Variants in CSMD2 observed in about 807,000 individuals in gnomAD.
The protein encoded by CSMD2 is CUB and sushi domain-containing protein 2.
Under a neutral mutation model 398.5 loss-of-function variants are expected in CSMD2, and 130 were observed. The observed-to-expected ratio is 0.33, with a 90% confidence interval of 0.28 to 0.38. CSMD2 has a LOEUF of 0.38. Among genes scored for constraint, CSMD2 ranks in the 10% least tolerant of loss-of-function variants. The probability of loss-of-function intolerance (pLI) is 1.00; values close to 1 mark genes in which losing one functional copy is unlikely to be tolerated. For synonymous variants in CSMD2, 1,828 were observed against 1,908.5 expected, an observed-to-expected ratio of 0.96 and a Z score of 1.10; for missense variants, 3,829 against 4,764.9, an observed-to-expected ratio of 0.80 and a Z score of 5.78.
intron 6 of CSMD2, among the ~76,000 whole-genome samples, chr1:33,843,226 T>C (rs955049253): frequency 2.0e-5 from 3 of 152,190 alleles, no homozygotes; most frequent in African/African-American, 7.2e-5. Context: ...CTTGTTAAAC[T>C]GAACACAGTT....
At chr1:33,851,470 T>C (rs1178312779) in intron 5 of CSMD2, among the ~76,000 whole-genome samples, 1 of 152,156 alleles carries the variant, frequency 6.6e-6, no homozygotes. Context: ...ATGTGAAATA[T>C]AGGAGGTCCT....
chr1:33,648,035 CA>C (rs1044295129), intron 28 of CSMD2, among the ~76,000 whole-genome samples: 10 of 152,154 alleles, frequency 6.6e-5, no homozygotes, highest in Admixed American at 2.0e-4. Flanking sequence ...TGATGGGTGT[CA>C]AAACCATTGT....
intron 2 of CSMD2, among the ~76,000 whole-genome samples, chr1:34,055,240 G>A (rs763683443): frequency 5.9e-5 from 9 of 152,100 alleles, no homozygotes; most frequent in Non-Finnish European, 1.2e-4. Context: ...CTCACTCTAC[G>A]ACAATCAACA....
At chr1:33,866,393 C>A (rs1476439823) in intron 5 of CSMD2, among the ~76,000 whole-genome samples, 2 of 152,202 alleles carry the variant, frequency 1.3e-5, no homozygotes, top group African/African-American at 4.8e-5. Flanking sequence ...GGGGGAGGGA[C>A]TGGGGACCAC....
At chr1:33,656,077 T>A (rs768063008) in intron 27 of CSMD2, among the ~76,000 whole-genome samples, 1 of 75,120 alleles carries the variant, frequency 1.3e-5, no homozygotes, top group African/African-American at 6.1e-5. Context: ...CTTGAGCAGA[T>A]GGAATTCTGG....
At chr1:33,980,667 G>A (rs914873568) in intron 3 of CSMD2, among the ~76,000 whole-genome samples, 3 of 152,240 alleles carry the variant, frequency 2.0e-5, no homozygotes, top group Admixed American at 6.5e-5. Flanking sequence ...CACCTACTAC[G>A]TGTCAGACCG....
rs749781963 is a variant in CSMD2 at position 33,523,411 on chromosome 1, T to C, written c.10405A>G (p.Lys3469Glu). The C allele has an allele frequency of 1.5e-5, 21 of 1,447,968 alleles. No homozygotes were observed. The highest frequency in any genetic ancestry group is 1.8e-5 in the Non-Finnish European group (19 of 1,041,276). 89.7% of individuals were successfully genotyped at this position (1,447,968 alleles called of 1,614,324 possible). A position where few individuals can be genotyped will look rare whatever the true frequency, so the allele number is the denominator to read the frequency against. Residue 3469 changes from lysine to glutamate, a missense_variant, in exon 67 of 71, where the codon AAG (lysine) becomes GAG (glutamate). Lys to Glu is a moderately conservative substitution (Grantham distance 56). Coordinates refer to ENST00000373381, the MANE Select transcript of CSMD2 (RefSeq NM_001281956.2). ...GVELHLAGTYKKEDFHLLLQV... is the reference protein window; with the variant it reads ...GVELHLAGTYEKEDFHLLLQV... ...AGTAGGAGATGAAAATCTTCTTTCT[T>C]GTAAGTTCCTGGGAAATAAAGTTCA...
intron 1 of CSMD2, among the ~76,000 whole-genome samples, chr1:34,119,209 G>C (rs921793185): frequency 6.6e-6 from 1 of 152,084 alleles, no homozygotes; most frequent in African/African-American, 2.4e-5. Flanking sequence ...GGGAAAACTG[G>C]ATATCTACAT....
At chr1:33,759,778 T>C (rs903836344) in intron 13 of CSMD2, among the ~76,000 whole-genome samples, 6 of 152,182 alleles carry the variant, frequency 3.9e-5, no homozygotes, top group Non-Finnish European at 4.4e-5. Context: ...CTTTGGCATG[T>C]TAGGGTACCC....
intron 15 of CSMD2, among the ~76,000 whole-genome samples, chr1:33,737,828 T>C (rs1646932851): frequency 6.6e-6 from 1 of 152,210 alleles, no homozygotes; most frequent in Non-Finnish European, 1.5e-5. Context: ...CCTAACCTCA[T>C]GGAGTTTACG....
chr1:33,680,242 C>A (rs199561451), intron 25 of CSMD2, among the ~76,000 whole-genome samples: 2 of 146,692 alleles, frequency 1.4e-5, no homozygotes, highest in Non-Finnish European at 3.0e-5. Context: ...TTTGTCCCAA[C>A]CTTTTATTTT....
At chr1:33,707,388 T>C (rs1645823042) in intron 22 of CSMD2, among the ~76,000 whole-genome samples, 1 of 152,208 alleles carries the variant, frequency 6.6e-6, no homozygotes, top group Non-Finnish European at 1.5e-5. Flanking sequence ...CTGGTGCTGC[T>C]GTACTGATTG....
At chr1:33,567,541 G>A in intron 53 of CSMD2, 52 bp downstream of exon 53, 1 of 1,585,930 alleles carries the variant, frequency 6.3e-7, no homozygotes, top group Non-Finnish European at 8.6e-7. Flanking sequence ...CAGGGAGAAA[G>A]TCCATGTTGA....
intron 5 of CSMD2, among the ~76,000 whole-genome samples, chr1:33,905,937 A>G (rs1012415564): frequency 1.3e-5 from 2 of 152,210 alleles, no homozygotes; most frequent in African/African-American, 4.8e-5. Context: ...CCAATGAAAT[A>G]TGAGTTGGAA....
intron 5 of CSMD2, among the ~76,000 whole-genome samples, chr1:33,905,164 G>A (rs1476033723): frequency 6.6e-6 from 1 of 152,082 alleles, no homozygotes; most frequent in Non-Finnish European, 1.5e-5. Context: ...CTTGAGGACT[G>A]AAAATTTAAA....
At chr1:33,755,620 A>C (rs1484879025) in intron 13 of CSMD2, among the ~76,000 whole-genome samples, 1 of 152,094 alleles carries the variant, frequency 6.6e-6, no homozygotes, top group Non-Finnish European at 1.5e-5. Flanking sequence ...CAGTCCAAAA[A>C]CCATAAATTG....
At chr1:33,959,956 C>T (rs1272857583) in intron 3 of CSMD2, among the ~76,000 whole-genome samples, 5 of 152,200 alleles carry the variant, frequency 3.3e-5, no homozygotes, top group African/African-American at 1.2e-4. Flanking sequence ...GCAGCGTGGG[C>T]ATAGGTCAAA....
At chr1:34,031,775 A>C (rs1057275398) in intron 3 of CSMD2, among the ~76,000 whole-genome samples, 2 of 151,660 alleles carry the variant, frequency 1.3e-5, no homozygotes, top group African/African-American at 4.8e-5. Flanking sequence ...CAAAAAAAAA[A>C]AAAAAAAAAA....
chr1:33,611,513 G>A (rs1641003511), intron 40 of CSMD2, among the ~76,000 whole-genome samples: 1 of 152,172 alleles, frequency 6.6e-6, no homozygotes, highest in Non-Finnish European at 1.5e-5. Context: ...ATTTTATTTT[G>A]TTGAAAACAA....
Sources: allele counts gnomAD v4.1 joint callset (sites outside exome capture counted in the v4.1 genomes callset), GRCh38; gene constraint gnomAD v4.1.1; transcripts MANE v1.5; gene names NCBI Gene and HGNC (gene_info 2026-07-23, HGNC 2026-07-21).